The following ANO4 variants were observed in gnomAD, a reference collection of about 807,000 sequenced individuals.
ANO4 encodes the protein anoctamin-4.
ANO4 carries 69 observed loss-of-function variants against 141.9 expected under a neutral mutation model. That is an observed-to-expected ratio of 0.49 (90% CI 0.40 to 0.59). The LOEUF is 0.59. Among genes scored for constraint, ANO4 ranks in the 20% least tolerant of loss-of-function variants. The probability of loss-of-function intolerance (pLI) is 0.00; values close to 1 mark genes in which losing one functional copy is unlikely to be tolerated. For missense variants in ANO4, 894 were observed against 1,162.2 expected, an observed-to-expected ratio of 0.77 and a Z score of 3.36; for synonymous variants, 350 against 394.3, an observed-to-expected ratio of 0.89 and a Z score of 1.33.
chr12:100,972,183 C>T (rs971804920), intron 6 of ANO4, among the ~76,000 whole-genome samples: 11 of 152,278 alleles, frequency 7.2e-5, no homozygotes, highest in South Asian at 2.1e-4. Context: ...CGAAGAATAA[C>T]GTACTTTTGG....
intron 15 of ANO4, among the ~76,000 whole-genome samples, chr12:101,080,642 T>C (rs1286529512): frequency 1.3e-5 from 2 of 151,524 alleles, no homozygotes; most frequent in African/African-American, 4.9e-5. Flanking sequence ...GCCTGGCCAA[T>C]ATGGTGAAAC....
intron 3 of ANO4, among the ~76,000 whole-genome samples, chr12:100,750,988 T>C (rs945417499): frequency 7.2e-5 from 11 of 152,086 alleles, no homozygotes; most frequent in African/African-American, 1.4e-4. Context: ...AGGGAAGATA[T>C]GAGCTGTGAT....
chr12:100,959,112 C>CCA (rs555751714), intron 5 of ANO4, among the ~76,000 whole-genome samples: 24,894 of 151,686 alleles, frequency 0.16, 2,296 homozygotes, highest in East Asian at 0.41. Flanking sequence ...CAACCCCCCT[C>CCA]CACAGACACA....
At chr12:100,974,639 A>G (rs10778094) in intron 6 of ANO4, 134,023 of 617,984 alleles carry the variant, frequency 0.22, 15,345 homozygotes, top group South Asian at 0.3. Context: ...AGAAATATCA[A>G]TGGAAACTGT....
intron 22 of ANO4, among the ~76,000 whole-genome samples, chr12:101,104,611 GTGTGTATGTATGTGTGTATATATATA>G (rs1388140568): frequency 4.6e-4 from 36 of 77,916 alleles, no homozygotes; most frequent in South Asian, 3.3e-3. Flanking sequence ...GTGTGTGTGT[GTGTGTATGTATGTGTGTATATATATA>G]TATATATATA....
At chr12:100,892,424 C>T (rs1029588477) in intron 1 of ANO4, among the ~76,000 whole-genome samples, 2 of 152,326 alleles carry the variant, frequency 1.3e-5, no homozygotes, top group Middle Eastern at 3.4e-3. Flanking sequence ...TTCCCTTACT[C>T]ACCCCCTCTT....
At chr12:101,035,500 A>G (rs1566156233) in intron 9 of ANO4, among the ~76,000 whole-genome samples, 1 of 152,188 alleles carries the variant, frequency 6.6e-6, no homozygotes, top group Non-Finnish European at 1.5e-5. Flanking sequence ...CTAATTAAAC[A>G]ACTTATGCTG....
chr12:101,110,173 A>G (rs1031097324), intron 22 of ANO4, among the ~76,000 whole-genome samples: 1 of 152,134 alleles, frequency 6.6e-6, no homozygotes, highest in African/African-American at 2.4e-5. Context: ...TATTTAGGAA[A>G]CAAGATCTGG....
At chr12:100,746,314 G>A (rs561236694) in intron 3 of ANO4, among the ~76,000 whole-genome samples, 6 of 152,120 alleles carry the variant, frequency 3.9e-5, no homozygotes, top group East Asian at 3.9e-4. Flanking sequence ...TTAGCTGGGC[G>A]TGGTGTCATG....
chr12:100,964,704 A>T (rs2043574586), intron 5 of ANO4, among the ~76,000 whole-genome samples: 1 of 151,988 alleles, frequency 6.6e-6, no homozygotes, highest in African/African-American at 2.4e-5. Context: ...TTTGTCTTCT[A>T]CTCTTCTCAC....
At chr12:100,824,624 C>T (rs1451866835) in intron 1 of ANO4, among the ~76,000 whole-genome samples, 1 of 151,982 alleles carries the variant, frequency 6.6e-6, no homozygotes, top group Non-Finnish European at 1.5e-5. Context: ...CAGTTTGTCA[C>T]AGATGGGGAT....
intron 5 of ANO4, among the ~76,000 whole-genome samples, chr12:100,963,478 GTGTGTGTGTGTCTGTGTGTGTGTGTGTC>G (rs1185524741): frequency 6.6e-6 from 1 of 151,806 alleles, no homozygotes; most frequent in African/African-American, 2.4e-5. Context: ...CCAGGACACT[GTGTGTGTGTGTCTGTGTGTGTGTGTGTC>G]TGTGTGTGTG....
chr12:101,110,335 T>TCCCTTTGATCCC (rs1217009216), intron 22 of ANO4, 69 bp from the exon 23 acceptor site: 2 of 1,468,026 alleles, frequency 1.4e-6, no homozygotes, highest in African/African-American at 2.8e-5. Flanking sequence ...CATATTCAGA[T>TCCCTTTGATCCC]TATGATCCCT....
chr12:100,908,858 G>C (rs538877594), intron 2 of ANO4, among the ~76,000 whole-genome samples: 8 of 152,292 alleles, frequency 5.3e-5, no homozygotes, highest in African/African-American at 1.9e-4. Flanking sequence ...TAGATTTTCT[G>C]TTCCATCTGC....
At chr12:101,104,674 T>A (rs11110656) in intron 22 of ANO4, among the ~76,000 whole-genome samples, 74 of 112,726 alleles carry the variant, frequency 6.6e-4, no homozygotes, top group South Asian at 1.8e-3. Flanking sequence ...TATATATAAA[T>A]AAAAAGATTT....
In ANO4 at chr12:100,971,361, T is replaced by C; in HGVS notation, c.512T>C (p.Val171Ala). 6.2e-7 allele frequency: 1 copy of C among 1,611,814 alleles called. No homozygotes were observed. Among genetic ancestry groups the C allele is most frequent in the Non-Finnish European group, 8.5e-7 (1 of 1,178,344 alleles). Residue 171 changes from valine (V) to alanine (A), a missense_variant, in exon 6 of 28, where the codon GTC becomes GCC. Coordinates refer to ENST00000392977, the MANE Select transcript of ANO4 (RefSeq NM_001286615.2). The part of the protein sequence containing the change: ...IFVKLHAPWE[V>A]LGRYAEQMNV... ...GTGAAGTTGCATGCCCCATGGGAAG[T>C]CCTTGGAAGATATGCAGAACAAATG... is the stretch of plus-strand genomic sequence containing the variant.
intron 3 of ANO4, among the ~76,000 whole-genome samples, chr12:100,762,811 TA>T (rs1335673974): frequency 6.6e-6 from 1 of 152,150 alleles, no homozygotes; most frequent in African/African-American, 2.4e-5. Context: ...ATTAATCCAC[TA>T]GAATGCAGTT....
chr12:100,808,292 CATTTATCTAAT>C (rs1188680231), intron 1 of ANO4, among the ~76,000 whole-genome samples: 1 of 152,126 alleles, frequency 6.6e-6, no homozygotes, highest in Non-Finnish European at 1.5e-5. Flanking sequence ...ATTTGATTTG[CATTTATCTAAT>C]GATCAATGAT....
At chr12:100,792,471 T>C (rs2034079225), upstream of ANO4, among the ~76,000 whole-genome samples, 1 of 152,234 alleles carries the variant, frequency 6.6e-6, no homozygotes, top group African/African-American at 2.4e-5. Flanking sequence ...ACACAATCGC[T>C]GATATCATCC....
Sources: allele counts gnomAD v4.1 joint callset (sites outside exome capture counted in the v4.1 genomes callset), GRCh38; gene constraint gnomAD v4.1.1; transcripts MANE v1.5; gene names NCBI Gene and HGNC (gene_info 2026-07-23, HGNC 2026-07-21).